Variants in CLVS1 observed in about 807,000 individuals in gnomAD.
CLVS1 encodes clavesin 1.
In CLVS1, 10 loss-of-function variants were observed where a neutral mutation model predicts 33.1. The observed-to-expected ratio is 0.30, with a 90% CI of 0.19 to 0.51. The LOEUF (loss-of-function observed/expected upper bound fraction) is 0.51. CLVS1 is among the 20% of genes least tolerant of loss of function. CLVS1 has a pLI of 0.97. For missense variants in CLVS1, 343 were observed against 433.4 expected, an observed-to-expected ratio of 0.79 and a Z score of 1.85; for synonymous variants, 163 against 166.1, an observed-to-expected ratio of 0.98 and a Z score of 0.14.
chr8:61,473,158 T>C (rs944113523), intron 5 of CLVS1, among the ~76,000 whole-genome samples: 6 of 151,782 alleles, frequency 4.0e-5, no homozygotes, highest in Non-Finnish European at 8.8e-5. Flanking sequence ...ATGAGAAAAG[T>C]ACCCCAAGCA....
chr8:61,300,395 A>T (rs1810384120), intron 2 of CLVS1, 113 bp downstream of exon 2: 2 of 977,794 alleles, frequency 2.0e-6, no homozygotes, highest in Non-Finnish European at 1.5e-6. Context: ...AATATTTCAC[A>T]TGTTCACCAA....
At chr8:61,063,332 G>C (rs1313772670) in intron 1 of CLVS1, among the ~76,000 whole-genome samples, 4 of 149,482 alleles carry the variant, frequency 2.7e-5, no homozygotes, top group Non-Finnish European at 4.4e-5. Context: ...CCTGGTGGGG[G>C]GTGAGGGGTG....
chr8:61,344,577 A>G (rs550443165), intron 2 of CLVS1, among the ~76,000 whole-genome samples: 6 of 152,290 alleles, frequency 3.9e-5, no homozygotes, highest in African/African-American at 1.2e-4. Context: ...CTCTTTAGCA[A>G]TCTGCTCAGC....
chr8:61,068,114 C>G (rs190624543), intron 1 of CLVS1, among the ~76,000 whole-genome samples: 50 of 151,138 alleles, frequency 3.3e-4, no homozygotes, highest in African/African-American at 1.0e-3. Context: ...CGAGGCTGCA[C>G]TGAGCCCTGA....
the CLVS1 span, among the ~76,000 whole-genome samples, chr8:61,037,256 T>C: frequency 1.3e-5 from 2 of 152,192 alleles, no homozygotes; most frequent in East Asian, 3.8e-4. Context: ...GGGTACTGAA[T>C]CTCTGTACCC....
chr8:60,977,451 C>T, the CLVS1 span, among the ~76,000 whole-genome samples: 1 of 151,906 alleles, frequency 6.6e-6, no homozygotes, highest in Non-Finnish European at 1.5e-5. Context: ...CAAAGGAAAT[C>T]AGAAAAATAA....
intron 2 of CLVS1, among the ~76,000 whole-genome samples, chr8:61,228,718 A>C (rs1257391081): frequency 1.3e-5 from 2 of 152,194 alleles, no homozygotes; most frequent in Non-Finnish European, 2.9e-5. Flanking sequence ...TTTTGCAAGT[A>C]ACAGACTTTC....
At chr8:61,497,258 C>T (rs1804298382) in intron 5 of CLVS1, among the ~76,000 whole-genome samples, 1 of 152,232 alleles carries the variant, frequency 6.6e-6, no homozygotes, top group African/African-American at 2.4e-5. Flanking sequence ...ATATAGATTG[C>T]AATCAGGAAT....
intron 2 of CLVS1, among the ~76,000 whole-genome samples, chr8:61,205,583 G>C (rs182161138): frequency 4.8e-4 from 73 of 152,226 alleles, no homozygotes; most frequent in Middle Eastern, 3.4e-3. Flanking sequence ...ATATCTTTTG[G>C]AGTCCATGCT....
intron 3 of CLVS1, among the ~76,000 whole-genome samples, chr8:61,447,740 T>C (rs116020186): frequency 1.3e-5 from 2 of 152,052 alleles, no homozygotes; most frequent in Non-Finnish European, 2.9e-5. Context: ...AGTATCATAA[T>C]TTTTACTTCA....
At chr8:61,011,534 C>T in the CLVS1 span, among the ~76,000 whole-genome samples, 1 of 152,070 alleles carries the variant, frequency 6.6e-6, no homozygotes, top group Non-Finnish European at 1.5e-5. Context: ...CTGCAACATC[C>T]ACCTCTTGGG....
the CLVS1 span, among the ~76,000 whole-genome samples, chr8:61,016,992 T>C: frequency 1.3e-5 from 2 of 152,210 alleles, no homozygotes. Flanking sequence ...TGGGAGCGGC[T>C]GAGCAAATGA....
chr8:60,970,274 G>A, the CLVS1 span, among the ~76,000 whole-genome samples: 7 of 152,168 alleles, frequency 4.6e-5, no homozygotes, highest in African/African-American at 1.7e-4. Flanking sequence ...CATCTTCTGA[G>A]AGGTCTGCCC....
intron 1 of CLVS1, among the ~76,000 whole-genome samples, chr8:61,094,028 G>T (rs186516999): frequency 6.6e-6 from 1 of 152,218 alleles, no homozygotes; most frequent in Non-Finnish European, 1.5e-5. Context: ...CACCAGCTCC[G>T]TGAGCCTCGG....
intron 2 of CLVS1, among the ~76,000 whole-genome samples, chr8:61,260,475 A>G (rs1812576): frequency 0.27 from 41,241 of 152,108 alleles, 8,076 homozygotes; most frequent in East Asian, 0.85. Flanking sequence ...TTCTTCATAC[A>G]CAGCCACTGA....
At chr8:61,004,950 AACAAG>A in the CLVS1 span, among the ~76,000 whole-genome samples, 27,114 of 151,964 alleles carry the variant, frequency 0.18, 2,519 homozygotes, top group South Asian at 0.22. Flanking sequence ...TTTAAAACAA[AACAAG>A]ACAAAACAAA....
intron 2 of CLVS1, among the ~76,000 whole-genome samples, chr8:61,328,351 G>A (rs1317018577): frequency 1.3e-5 from 2 of 152,142 alleles, no homozygotes; most frequent in Non-Finnish European, 2.9e-5. Context: ...TTTTCTAATG[G>A]GGTATGTTTT....
intron 3 of CLVS1, among the ~76,000 whole-genome samples, chr8:61,400,858 T>C (rs112813289): frequency 0.021 from 3,144 of 152,272 alleles, 91 homozygotes; most frequent in African/African-American, 0.071. Context: ...TATGTTGAAC[T>C]AACCTTCCAT....
chr8:61,151,032 G>C (rs1475219134), intron 2 of CLVS1, among the ~76,000 whole-genome samples: 1 of 152,196 alleles, frequency 6.6e-6, no homozygotes, highest in Non-Finnish European at 1.5e-5. Context: ...CCCAGACTAT[G>C]TTTGAGCAGT....
Sources: gnomAD v4.1 joint callset for allele counts (sites outside exome capture counted in the v4.1 genomes callset) on GRCh38, gnomAD v4.1.1 for gene constraint, MANE v1.5 for transcripts, NCBI Gene and HGNC (gene_info 2026-07-23, HGNC 2026-07-21) for gene names.